Variants in CCL24 observed in about 807,000 individuals in gnomAD.
The protein encoded by CCL24 is C-C motif chemokine 24.
Under a neutral mutation model 8.6 loss-of-function variants are expected in CCL24, and 6 were observed. That is an observed-to-expected ratio of 0.70 (90% CI 0.38 to 1.38). CCL24 has a LOEUF of 1.38. Ranked by LOEUF, CCL24 falls within the 40% of genes most tolerant of loss-of-function variation. The pLI is 0.02. For missense variants in CCL24, 126 were observed against 147.1 expected, an observed-to-expected ratio of 0.86 and a Z score of 0.74; for synonymous variants, 59 against 52.7, an observed-to-expected ratio of 1.12 and a Z score of -0.52.
Position 75,813,803 on chromosome 7 carries a change from G to T in CCL24, c.-88C>A. 9.6e-7 allele frequency: 1 copy of T among 1,040,738 alleles called. No homozygotes were observed. Among genetic ancestry groups the T allele is most frequent in the Non-Finnish European group, 1.5e-6 (1 of 667,808 alleles). The allele number at this position is 1,040,738 out of a possible 1,614,324, so 64.5% of individuals were successfully genotyped here. ...GGGATAAATAGCTCGGGTCCTTGCA[G>T]AGTACCCCAAACTCCCTCCCTCTGC... On this transcript the variant is annotated 5_prime_UTR_variant, in exon 1 of 3. The change creates a new upstream start codon in the 5' untranslated region. Coordinates refer to ENST00000222902, the MANE Select transcript of CCL24 (RefSeq NM_002991.3).
chr7:75,813,607 C>T, intron 1 of CCL24, 36 bp downstream of exon 1: 1 of 1,573,198 alleles, frequency 6.4e-7, no homozygotes, highest in Non-Finnish European at 8.8e-7. Context: ...CCATCCCAGC[C>T]ATGCCCTTGG....
upstream of CCL24, among the ~76,000 whole-genome samples, chr7:75,816,903 T>G (rs1376940700): frequency 7.0e-6 from 1 of 142,112 alleles, no homozygotes; most frequent in Non-Finnish European, 1.5e-5. Flanking sequence ...CTCACTCTGT[T>G]GCCCAGGCTG....
intron 1 of CCL24, among the ~76,000 whole-genome samples, chr7:75,818,831 C>T (rs1026789962): frequency 4.6e-5 from 7 of 151,868 alleles, no homozygotes; most frequent in Admixed American, 2.6e-4. Context: ...CCAGAGCGGC[C>T]TCTCCCCAAG....
chr7:75,820,151 CCTT>C (rs370024929), intron 1 of CCL24, among the ~76,000 whole-genome samples: 1,107 of 39,690 alleles, frequency 0.028, 117 homozygotes, highest in Middle Eastern at 0.06. Context: ...TCCTCCTCCT[CCTT>C]CTCCTTCTCC....
At chr7:75,813,869 C>G (rs1803830952), upstream of CCL24, 37 of 566,598 alleles carry the variant, frequency 6.5e-5, no homozygotes, top group South Asian at 7.0e-4. Flanking sequence ...CCCCGAGCCC[C>G]CTCCACGCTT....
At chr7:75,812,395 G>A (rs1803788089) in intron 2 of CCL24, among the ~76,000 whole-genome samples, 1 of 151,980 alleles carries the variant, frequency 6.6e-6, no homozygotes, top group South Asian at 2.1e-4. Context: ...CCTTCTTATT[G>A]TATTTCTATT....
At chr7:75,818,603 C>A (rs1409336773), upstream of CCL24, among the ~76,000 whole-genome samples, 2 of 146,960 alleles carry the variant, frequency 1.4e-5, no homozygotes, top group Non-Finnish European at 3.0e-5. Flanking sequence ...TGGCAAGACC[C>A]GGACTCTTTA....
intron 1 of CCL24, among the ~76,000 whole-genome samples, chr7:75,820,018 A>ACTTCCTCTTCTTCTTCTTCTTCTT (rs1554534774): frequency 5.7e-5 from 6 of 104,908 alleles, no homozygotes; most frequent in East Asian, 3.2e-4. Flanking sequence ...TTAGTAAACT[A>ACTTCCTCTTCTTCTTCTTCTTCTT]CTTCTTCTTC....
chr7:75,813,184 G>A (rs1803811445), intron 2 of CCL24, 122 bp downstream of exon 2: 2 of 606,508 alleles, frequency 3.3e-6, no homozygotes. Context: ...GAGGACCAGA[G>A]AGGGGAGGTG....
intron 2 of CCL24, among the ~76,000 whole-genome samples, 196 bp downstream of exon 2, chr7:75,813,109 TA>T (rs1563350417): frequency 1.3e-5 from 2 of 151,972 alleles, no homozygotes; most frequent in Non-Finnish European, 2.9e-5. Context: ...CCCTATCTCC[TA>T]AAAAGAAAAA....
At chr7:75,817,620 A>G (rs1039794384), upstream of CCL24, among the ~76,000 whole-genome samples, 5 of 150,924 alleles carry the variant, frequency 3.3e-5, no homozygotes, top group Admixed American at 2.0e-4. Context: ...CTCATGCCTC[A>G]GCCTCCTGAG....
In CCL24 at chr7:75,819,288, AAAAAAAAAAAAAAAAATATATATAT is replaced by A. The variant is rs1189066307; in HGVS notation, c.-60+4009_-60+4033del. Among the ~76,000 whole-genome samples, 235 of 28,220 alleles carry A rather than the reference AAAAAAAAAAAAAAAAATATATATAT, an allele frequency of 8.3e-3. 8 individuals carry two copies. Among genetic ancestry groups the A allele is most frequent in the African/African-American group, 0.025 (215 of 8,486 alleles). 18.5% of individuals were successfully genotyped at this position (28,220 alleles called of 152,430 possible). Reference sequence around the variant, plus strand: ...CGTCTCAAAAAAAAAAAAAAAAAAAAAAAAAAAAAAAAAAAATATATATATATATATATATATATATATATATATT... The same window carrying A: ...CGTCTCAAAAAAAAAAAAAAAAAAAAATATATATATATATATATATATATT... On this transcript the variant is annotated intron_variant, in intron 1 of 3. Coordinates refer to the CCL24 transcript ENST00000416943.
At chr7:75,823,264 C>T (rs550363407) in intron 1 of CCL24, 335 of 152,882 alleles carry the variant, frequency 2.2e-3, no homozygotes, top group Non-Finnish European at 3.9e-3. Context: ...CCTGCTTCCT[C>T]GATACCAAAC....
At chr7:75,817,996 A>G (rs568426558), upstream of CCL24, among the ~76,000 whole-genome samples, 4 of 151,622 alleles carry the variant, frequency 2.6e-5, no homozygotes, top group Non-Finnish European at 5.9e-5. Context: ...ATGCCTGGCT[A>G]ATTTTTATAT....
At chr7:75,819,098 A>G (rs1366479283) in intron 1 of CCL24, among the ~76,000 whole-genome samples, 3 of 147,610 alleles carry the variant, frequency 2.0e-5, no homozygotes, top group African/African-American at 5.0e-5. Flanking sequence ...GAGAAACCCC[A>G]TCTCTACTAA....
rs782346041 is a variant in CCL24 at position 75,813,360 on chromosome 7, C to T, written c.137G>A (p.Arg46Gln). 2.0e-5 allele frequency: 33 copies of T among 1,613,692 alleles called. No individual in the cohort carries two copies. In the East Asian group the frequency reaches 4.0e-4, roughly 20 times the overall value. ...GCTGGACAGCTGGTAGCTGACCACT[C>T]GGTTCTCAGGAATTCTCTTGGAAAC... is the stretch of plus-strand genomic sequence containing the variant. ...FFVSKRIPEN[R>Q]VVSYQLSSRS... Residue 46 changes from arginine to glutamine, a missense_variant, in exon 2 of 3, where the codon CGA (arginine) becomes CAA (glutamine). Arg to Gln is a conservative substitution (Grantham distance 43). Transcript: ENST00000222902.
At chr7:75,822,042 C>T (rs34067812) in intron 1 of CCL24, among the ~76,000 whole-genome samples, 15,177 of 151,844 alleles carry the variant, frequency 0.1, 896 homozygotes, top group South Asian at 0.18. Context: ...GCAGAGATTG[C>T]GGTGAGCCAA....
At chr7:75,821,920 T>A (rs1585032752) in intron 1 of CCL24, among the ~76,000 whole-genome samples, 1 of 132,360 alleles carries the variant, frequency 7.6e-6, no homozygotes, top group Non-Finnish European at 1.6e-5. Context: ...AGAGCGAGAC[T>A]CCGTCTCAAA....
At chr7:75,812,635 T>TA (rs2115776488) in intron 2 of CCL24, among the ~76,000 whole-genome samples, 1 of 152,248 alleles carries the variant, frequency 6.6e-6, no homozygotes. Context: ...GCTCAGTAGA[T>TA]ATTGAATCTA....
Sources: gnomAD v4.1 joint callset for allele counts (sites outside exome capture counted in the v4.1 genomes callset) on GRCh38, gnomAD v4.1.1 for gene constraint, MANE v1.5 for transcripts, NCBI Gene and HGNC (gene_info 2026-07-23, HGNC 2026-07-21) for gene names.